The following RANBP2 variants were observed in gnomAD, a reference collection of about 807,000 sequenced individuals.
The protein encoded by RANBP2 is E3 SUMO-protein ligase RanBP2.
A neutral mutation model predicts 303.6 loss-of-function variants in RANBP2; 57 were observed. That is an observed-to-expected ratio of 0.19 (90% CI 0.15 to 0.23). RANBP2 has a LOEUF of 0.23. Among genes scored for constraint, RANBP2 ranks in the 10% least tolerant of loss-of-function variants. The pLI is 1.00. For missense variants in RANBP2, 3,138 were observed against 3,780.8 expected, an observed-to-expected ratio of 0.83 and a Z score of 4.46; for synonymous variants, 1,167 against 1,301.5, an observed-to-expected ratio of 0.90 and a Z score of 2.23.
the RANBP2 span, among the ~76,000 whole-genome samples, chr2:108,955,451 T>C: frequency 6.6e-6 from 1 of 152,188 alleles, no homozygotes; most frequent in African/African-American, 2.4e-5. Context: ...ATATATATCT[T>C]CTAAAATGAA....
the RANBP2 span, among the ~76,000 whole-genome samples, chr2:109,248,208 G>A: frequency 8.5e-4 from 130 of 152,292 alleles, 1 homozygote; most frequent in East Asian, 0.023. Context: ...TGCTATATAT[G>A]TTGATTCAGA....
At chr2:108,962,218 G>A in the RANBP2 span, among the ~76,000 whole-genome samples, 3 of 152,280 alleles carry the variant, frequency 2.0e-5, no homozygotes, top group East Asian at 1.9e-4. Context: ...TGAGATGCTC[G>A]GACGCTCTCA....
the RANBP2 span, among the ~76,000 whole-genome samples, chr2:109,315,418 G>A: frequency 1.3e-5 from 2 of 152,252 alleles, no homozygotes; most frequent in African/African-American, 4.8e-5. Context: ...CCCTATCTCT[G>A]TAGGATAGTT....
At chr2:109,092,918 A>G in the RANBP2 span, among the ~76,000 whole-genome samples, 2 of 152,322 alleles carry the variant, frequency 1.3e-5, no homozygotes, top group Admixed American at 6.5e-5. Context: ...TAGGACCCCT[A>G]TTAGGCTGCT....
At chr2:109,102,485 G>C in the RANBP2 span, among the ~76,000 whole-genome samples, 2 of 151,968 alleles carry the variant, frequency 1.3e-5, no homozygotes, top group African/African-American at 4.8e-5. Context: ...ATCGCAGAAT[G>C]TGTCTTAAAA....
chr2:109,297,096 T>A, the RANBP2 span, among the ~76,000 whole-genome samples: 1 of 151,956 alleles, frequency 6.6e-6, no homozygotes, highest in Non-Finnish European at 1.5e-5. Context: ...GTGACCGGGA[T>A]GGGAAGCCCA....
the RANBP2 span, among the ~76,000 whole-genome samples, chr2:109,668,955 T>G: frequency 3.3e-5 from 5 of 152,136 alleles, no homozygotes; most frequent in African/African-American, 1.2e-4. Context: ...ACTACTTGAC[T>G]TCAAAATGTA....
the RANBP2 span, among the ~76,000 whole-genome samples, chr2:109,265,984 A>G: frequency 6.6e-6 from 1 of 152,046 alleles, no homozygotes; most frequent in Non-Finnish European, 1.5e-5. Context: ...ACATTTGCTT[A>G]TGTGCGCATG....
the RANBP2 span, among the ~76,000 whole-genome samples, chr2:108,942,349 A>C: frequency 1.3e-5 from 2 of 152,190 alleles, no homozygotes; most frequent in Non-Finnish European, 2.9e-5. Flanking sequence ...TTGGGAACAG[A>C]GGTCTGGGAG....
downstream of RANBP2, among the ~76,000 whole-genome samples, chr2:108,786,252 C>CT (rs5833304): frequency 0.16 from 21,267 of 136,028 alleles, 1,799 homozygotes; most frequent in South Asian, 0.23. Context: ...TCAGCTTTCC[C>CT]TTTTTTTTTT....
the RANBP2 span, among the ~76,000 whole-genome samples, chr2:109,713,733 C>T: frequency 1.3e-5 from 2 of 152,140 alleles, no homozygotes; most frequent in African/African-American, 2.4e-5. Context: ...AAGAAAACTT[C>T]CTCAGGCCAT....
chr2:109,410,120 C>T, the RANBP2 span, among the ~76,000 whole-genome samples: 1 of 152,162 alleles, frequency 6.6e-6, no homozygotes, highest in African/African-American at 2.4e-5. Context: ...TAAAATGCAG[C>T]GGAGGAGGCT....
chr2:109,111,745 T>C, the RANBP2 span, among the ~76,000 whole-genome samples: 143 of 151,336 alleles, frequency 9.4e-4, no homozygotes, highest in African/African-American at 3.4e-3. Flanking sequence ...ACTCGTCATT[T>C]AGCATTAGGT....
At chr2:109,615,936 C>G in the RANBP2 span, 1 of 1,603,148 alleles carries the variant, frequency 6.2e-7, no homozygotes. Context: ...CCAGATCGTC[C>G]ACACCACACC....
At chr2:109,767,390 A>G in the RANBP2 span, among the ~76,000 whole-genome samples, 3 of 144,740 alleles carry the variant, frequency 2.1e-5, no homozygotes, top group Non-Finnish European at 4.5e-5. Flanking sequence ...TCACATATGT[A>G]GATCTATTAA....
chr2:109,342,445 C>G, the RANBP2 span, among the ~76,000 whole-genome samples: 18 of 152,300 alleles, frequency 1.2e-4, no homozygotes, highest in African/African-American at 3.8e-4. Flanking sequence ...AGAATCTGTC[C>G]TGATGGGCTA....
the RANBP2 span, among the ~76,000 whole-genome samples, chr2:109,024,696 G>A: frequency 6.6e-6 from 1 of 152,204 alleles, no homozygotes; most frequent in Non-Finnish European, 1.5e-5. Context: ...TGGGAGGCTT[G>A]GCCCGGCTGG....
At chr2:108,946,351 C>T in the RANBP2 span, among the ~76,000 whole-genome samples, 2 of 152,210 alleles carry the variant, frequency 1.3e-5, no homozygotes, top group African/African-American at 2.4e-5. Context: ...TTGCCCTGTG[C>T]CTGCACACCA....
At chr2:108,911,170 G>C in the RANBP2 span, 1 of 1,480,300 alleles carries the variant, frequency 6.8e-7, no homozygotes, top group South Asian at 1.2e-5. Context: ...CCCTGCCCCT[G>C]GGATGCTTTC....
Sources: allele counts gnomAD v4.1 joint callset (sites outside exome capture counted in the v4.1 genomes callset), GRCh38; gene constraint gnomAD v4.1.1; transcripts MANE v1.5; gene names NCBI Gene and HGNC (gene_info 2026-07-23, HGNC 2026-07-21).